Variants in CHCHD3 observed in about 807,000 individuals in gnomAD.
CHCHD3 encodes MICOS complex subunit MIC19.
CHCHD3 carries 20 observed loss-of-function variants against 38.2 expected under a neutral mutation model. That is an observed-to-expected ratio of 0.52 (90% CI 0.37 to 0.76). The LOEUF (loss-of-function observed/expected upper bound fraction) is 0.76. Ranked by LOEUF, CHCHD3 falls within the 30% of genes least tolerant of loss-of-function variation. The pLI is 0.00. For synonymous variants in CHCHD3, 82 were observed against 100.0 expected (o/e 0.82, Z 1.07); for missense variants, 245 against 279.2 (o/e 0.88, Z 0.87).
chr7:132,813,250 G>A (rs1807117166), intron 6 of CHCHD3, among the ~76,000 whole-genome samples: 1 of 152,152 alleles, frequency 6.6e-6, no homozygotes, highest in Admixed American at 6.5e-5. Context: ...AAGAAGAGTG[G>A]CCAAACTACA....
chr7:132,812,200 C>CT (rs71529779), intron 6 of CHCHD3, among the ~76,000 whole-genome samples: 13 of 81,068 alleles, frequency 1.6e-4, no homozygotes, highest in East Asian at 1.5e-3. Flanking sequence ...TTTTTCTTTT[C>CT]TTTTTTTTTT....
At chr7:132,936,928 C>T (rs1810646265) in intron 4 of CHCHD3, among the ~76,000 whole-genome samples, 1 of 152,146 alleles carries the variant, frequency 6.6e-6, no homozygotes, top group Non-Finnish European at 1.5e-5. Flanking sequence ...ATTGGAGTTG[C>T]TCAGGCATAG....
rs1355357282 is a variant in CHCHD3, at chr7:132,996,774, C to T, written c.252-21488G>A. Among the ~76,000 whole-genome samples the T allele has an allele frequency of 3.3e-5, 5 of 152,172 alleles. No individual in the cohort carries two copies. In the South Asian group the frequency reaches 1.0e-3, roughly 32 times the overall value. The stretch of plus-strand genomic sequence containing the variant: ...TGAGGGAGTGTGCTCACCAGGCTTT[C>T]GAAACGGACCATTTACTACAGAGCA... On this transcript the variant is annotated intron_variant, in intron 3 of 7. Coordinates refer to ENST00000262570, the MANE Select transcript of CHCHD3 (RefSeq NM_017812.4).
intron 6 of CHCHD3, among the ~76,000 whole-genome samples, chr7:132,819,138 T>C (rs1807277255): frequency 6.6e-6 from 1 of 152,252 alleles, no homozygotes; most frequent in African/African-American, 2.4e-5. Context: ...TAAAATACAA[T>C]TCCTGCCCTC....
chr7:132,828,964 A>G (rs1193082202), intron 6 of CHCHD3, among the ~76,000 whole-genome samples: 3 of 152,184 alleles, frequency 2.0e-5, no homozygotes, highest in Non-Finnish European at 4.4e-5. Flanking sequence ...TCTACCTTCT[A>G]GAAGTCTTTC....
intron 4 of CHCHD3, among the ~76,000 whole-genome samples, chr7:132,902,226 T>C (rs899528438): frequency 8.5e-5 from 13 of 152,184 alleles, no homozygotes; most frequent in African/African-American, 2.9e-4. Flanking sequence ...GGTGGGACTG[T>C]AAACTAGTTC....
intron 3 of CHCHD3, among the ~76,000 whole-genome samples, chr7:132,981,450 C>G (rs1811916821): frequency 6.6e-6 from 1 of 152,208 alleles, no homozygotes; most frequent in South Asian, 2.1e-4. Flanking sequence ...TTATACTACT[C>G]ACCTTTGTGG....
At chr7:132,884,168 C>T (rs1010797489) in intron 5 of CHCHD3, among the ~76,000 whole-genome samples, 3 of 152,114 alleles carry the variant, frequency 2.0e-5, no homozygotes, top group Non-Finnish European at 2.9e-5. Flanking sequence ...CCAAACCCCC[C>T]AGCCTTCCCA....
intron 3 of CHCHD3, among the ~76,000 whole-genome samples, chr7:133,019,042 C>T (rs1813106072): frequency 6.6e-6 from 1 of 151,928 alleles, no homozygotes. Flanking sequence ...TGCCACCACA[C>T]CCAGCTAATT....
chr7:133,033,381 C>A (rs1813554853), intron 2 of CHCHD3, among the ~76,000 whole-genome samples: 1 of 152,126 alleles, frequency 6.6e-6, no homozygotes, highest in Admixed American at 6.5e-5. Flanking sequence ...CACTGCTAGC[C>A]ATGAAGATCC....
intron 1 of CHCHD3, among the ~76,000 whole-genome samples, chr7:133,072,263 T>TAA (rs34730303): frequency 6.6e-6 from 1 of 150,654 alleles, no homozygotes; most frequent in Non-Finnish European, 1.5e-5. Flanking sequence ...TAATAAACTT[T>TAA]AAAAAAAAAA....
At chr7:133,052,676 C>T (rs1412084648) in intron 2 of CHCHD3, among the ~76,000 whole-genome samples, 1 of 152,122 alleles carries the variant, frequency 6.6e-6, no homozygotes, top group Non-Finnish European at 1.5e-5. Flanking sequence ...TGTATGTATA[C>T]AAATGTTTGC....
At chr7:132,985,551 TG>T (rs1225029178) in intron 3 of CHCHD3, among the ~76,000 whole-genome samples, 1 of 57,260 alleles carries the variant, frequency 1.7e-5, no homozygotes, top group Admixed American at 2.0e-4. Flanking sequence ...AGGAGGGAGG[TG>T]GGGGGGTCAG....
At chr7:132,826,631 T>A (rs141678929) in intron 6 of CHCHD3, among the ~76,000 whole-genome samples, 193 of 152,316 alleles carry the variant, frequency 1.3e-3, no homozygotes, top group Non-Finnish European at 2.2e-3. Flanking sequence ...TTGGGGATGC[T>A]TGGCGACACT....
intron 3 of CHCHD3, among the ~76,000 whole-genome samples, chr7:133,002,432 C>T (rs1386336188): frequency 6.6e-6 from 1 of 151,944 alleles, no homozygotes; most frequent in African/African-American, 2.4e-5. Flanking sequence ...AACTTTTGGC[C>T]CCTGGGTTTT....
intron 5 of CHCHD3, among the ~76,000 whole-genome samples, chr7:132,842,227 G>A (rs556775152): frequency 3.9e-5 from 6 of 152,162 alleles, no homozygotes; most frequent in African/African-American, 1.2e-4. Flanking sequence ...TGGGCAGGGC[G>A]GGCACATCCT....
intron 3 of CHCHD3, among the ~76,000 whole-genome samples, chr7:133,018,310 G>A (rs1387850054): frequency 6.6e-6 from 1 of 152,220 alleles, no homozygotes; most frequent in Non-Finnish European, 1.5e-5. Context: ...GACATCAGCT[G>A]TGTGTCGCTG....
chr7:132,903,853 A>G (rs1054298527), intron 4 of CHCHD3, among the ~76,000 whole-genome samples: 5 of 152,230 alleles, frequency 3.3e-5, no homozygotes, highest in African/African-American at 9.7e-5. Context: ...GACCAGAGGA[A>G]AGAGATTCCC....
intron 6 of CHCHD3, among the ~76,000 whole-genome samples, chr7:132,819,269 C>T (rs748010493): frequency 4.6e-5 from 7 of 152,180 alleles, no homozygotes; most frequent in African/African-American, 7.2e-5. Context: ...ACAGTTTCCT[C>T]TAGTGTAAAT....
Sources: allele counts gnomAD v4.1 joint callset (sites outside exome capture counted in the v4.1 genomes callset), GRCh38; gene constraint gnomAD v4.1.1; transcripts MANE v1.5; gene names NCBI Gene and HGNC (gene_info 2026-07-23, HGNC 2026-07-21).